Variants in ZNF892 observed in about 807,000 individuals in gnomAD.
ZNF892 encodes zinc finger protein 892, also known as zinc finger protein 570-like.
At chr2:95,209,142 T>A in the ZNF892 span, among the ~76,000 whole-genome samples, 35 of 152,340 alleles carry the variant, frequency 2.3e-4, no homozygotes, top group Admixed American at 5.2e-4. Flanking sequence ...AGTTTTTTTT[T>A]ATCATCTGTT....
chr2:95,236,467 G>C, the ZNF892 span, among the ~76,000 whole-genome samples: 1 of 152,148 alleles, frequency 6.6e-6, no homozygotes, highest in Non-Finnish European at 1.5e-5. Context: ...CATCTTCTTT[G>C]GTTCATTTAG....
chr2:95,254,919 G>A, the ZNF892 span, among the ~76,000 whole-genome samples: 1,978 of 152,222 alleles, frequency 0.013, 17 homozygotes, highest in Non-Finnish European at 0.02. Context: ...TGTGGGATCG[G>A]TGGTGATATC....
chr2:95,210,267 G>A, the ZNF892 span, among the ~76,000 whole-genome samples: 1 of 150,680 alleles, frequency 6.6e-6, no homozygotes, highest in Non-Finnish European at 1.5e-5. Flanking sequence ...ATATATGTGT[G>A]TGTATATATA....
the ZNF892 span, among the ~76,000 whole-genome samples, chr2:95,222,211 G>A: frequency 6.6e-6 from 1 of 152,156 alleles, no homozygotes; most frequent in Non-Finnish European, 1.5e-5. Flanking sequence ...AGTTTTCCAT[G>A]TTAGGTACCA....
the ZNF892 span, among the ~76,000 whole-genome samples, chr2:95,231,498 G>A: frequency 9.2e-5 from 14 of 152,282 alleles, 1 homozygote; most frequent in Admixed American, 2.6e-4. Flanking sequence ...AAATTGTACA[G>A]TTAAGATTTA....
the ZNF892 span, among the ~76,000 whole-genome samples, chr2:95,249,406 A>AT: frequency 5.0e-3 from 664 of 132,478 alleles, 5 homozygotes; most frequent in East Asian, 6.9e-3. Flanking sequence ...ACTCCTGGCT[A>AT]TTTTTTTTTT....
At chr2:95,214,780 A>G in the ZNF892 span, 5 of 458,798 alleles carry the variant, frequency 1.1e-5, no homozygotes, top group African/African-American at 4.0e-5. Flanking sequence ...GAAAAACCCT[A>G]TGAATGTAAC....
chr2:95,207,816 A>G, the ZNF892 span: 61 of 398,638 alleles, frequency 1.5e-4, no homozygotes, highest in Non-Finnish European at 2.6e-4. Flanking sequence ...AGGAGTCTCC[A>G]TGGAACCTGA....
At chr2:95,254,764 T>C in the ZNF892 span, among the ~76,000 whole-genome samples, 4 of 152,238 alleles carry the variant, frequency 2.6e-5, no homozygotes, top group Admixed American at 2.0e-4. Flanking sequence ...TCAGAGCCTG[T>C]TGTTGGTCTA....
the ZNF892 span, among the ~76,000 whole-genome samples, chr2:95,237,152 T>A: frequency 6.6e-6 from 1 of 151,582 alleles, no homozygotes; most frequent in Non-Finnish European, 1.5e-5. Context: ...TTTTTTTTTT[T>A]TTTTTTTATT....
chr2:95,234,670 A>G, the ZNF892 span, among the ~76,000 whole-genome samples: 1 of 152,164 alleles, frequency 6.6e-6, no homozygotes, highest in Non-Finnish European at 1.5e-5. Flanking sequence ...AAGGTGAACA[A>G]AACTCTTTCC....
chr2:95,210,649 GTTCC>G, the ZNF892 span, among the ~76,000 whole-genome samples: 4 of 152,062 alleles, frequency 2.6e-5, no homozygotes, highest in African/African-American at 9.7e-5. Context: ...ATTAATTCTT[GTTCC>G]TTCCTTCCTT....
chr2:95,212,846 T>G, the ZNF892 span, among the ~76,000 whole-genome samples: 1 of 152,234 alleles, frequency 6.6e-6, no homozygotes, highest in Non-Finnish European at 1.5e-5. Flanking sequence ...ACAGAGCTTA[T>G]ACTGTTTTGG....
At chr2:95,234,412 A>T in the ZNF892 span, among the ~76,000 whole-genome samples, 1 of 152,222 alleles carries the variant, frequency 6.6e-6, no homozygotes. Context: ...TTCATTTCAG[A>T]GAAGGTCCTG....
At chr2:95,254,848 G>T in the ZNF892 span, among the ~76,000 whole-genome samples, 1 of 152,218 alleles carries the variant, frequency 6.6e-6, no homozygotes, top group African/African-American at 2.4e-5. Flanking sequence ...ATTTCTTCTA[G>T]ATTTTCTAGT....
chr2:95,243,466 C>T, the ZNF892 span, among the ~76,000 whole-genome samples: 2 of 151,566 alleles, frequency 1.3e-5, no homozygotes, highest in Admixed American at 1.3e-4. Flanking sequence ...CCCGGCCGCC[C>T]ATCGTCTGAG....
chr2:95,219,742 G>A, the ZNF892 span, among the ~76,000 whole-genome samples: 1 of 152,210 alleles, frequency 6.6e-6, no homozygotes, highest in Non-Finnish European at 1.5e-5. Context: ...TGGAGAAAGT[G>A]TTGCAGGGGG....
the ZNF892 span, among the ~76,000 whole-genome samples, chr2:95,235,014 T>C: frequency 6.6e-6 from 1 of 152,142 alleles, no homozygotes; most frequent in African/African-American, 2.4e-5. Flanking sequence ...AGCATCAGAA[T>C]TGAACTGAAT....
chr2:95,247,281 G>T, the ZNF892 span, among the ~76,000 whole-genome samples: 2 of 152,146 alleles, frequency 1.3e-5, no homozygotes, highest in African/African-American at 4.8e-5. Context: ...TCAATAAACA[G>T]TGCTGGAATA....
Sources: allele counts gnomAD v4.1 joint callset (sites outside exome capture counted in the v4.1 genomes callset), GRCh38; gene constraint gnomAD v4.1.1; transcripts MANE v1.5; gene names NCBI Gene and HGNC (gene_info 2026-07-23, HGNC 2026-07-21).